The following PKD1L3 variants were observed in gnomAD, a reference collection of about 807,000 sequenced individuals.
PKD1L3 encodes the protein polycystin-1-like protein 3.
A neutral mutation model predicts 184.1 loss-of-function variants in PKD1L3; 239 were observed. That is an observed-to-expected ratio of 1.30 (90% confidence interval 1.17 to 1.45). The LOEUF (loss-of-function observed/expected upper bound fraction) is 1.45. Among genes scored for constraint, PKD1L3 ranks in the 40% most tolerant of loss-of-function variants. The probability of loss-of-function intolerance (pLI) is 0.00; values close to 1 mark genes in which losing one functional copy is unlikely to be tolerated. For missense variants in PKD1L3, 2,660 were observed against 2,067.2 expected, an observed-to-expected ratio of 1.29 and a Z score of -5.56; for synonymous variants, 996 against 778.8, an observed-to-expected ratio of 1.28 and a Z score of -4.64.
At chr16:71,933,257 G>C (rs546923968) in intron 28 of PKD1L3, among the ~76,000 whole-genome samples, 163 bp downstream of exon 28, 193 of 152,272 alleles carry the variant, frequency 1.3e-3, no homozygotes, top group African/African-American at 4.5e-3. Flanking sequence ...CCATGTAAAT[G>C]CTGTATGCAT....
At chr16:71,953,153 T>C (rs994682644) in intron 17 of PKD1L3, 60 bp from the exon 18 acceptor site, 23 of 1,316,578 alleles carry the variant, frequency 1.7e-5, no homozygotes, top group Non-Finnish European at 2.2e-5. Context: ...CGCAAAGTCA[T>C]TCCTCTCCTA....
Position 71,967,953 on chromosome 16 carries a change from T to A in PKD1L3, c.2239A>T (p.Ile747Phe), listed in dbSNP as rs370229281. 3.2e-6 allele frequency: 5 copies of A among 1,551,506 alleles called. No homozygotes were observed. In the African/African-American group the frequency reaches 5.5e-5, roughly 17 times the overall value. Residue 747 changes from isoleucine to phenylalanine, a missense_variant, in exon 14 of 30, where the codon ATT (isoleucine) becomes TTT (phenylalanine). Ile to Phe is a conservative substitution (Grantham distance 21). Coordinates refer to ENST00000620267, the MANE Select transcript of PKD1L3 (RefSeq NM_181536.2). ...NDPSAQFHYL[I>F]QVYTGYRRSA... ...CTTCGATATCCGGTGTAGACCTGAA[T>A]AAGGTAGTGAAATTGAGCGCTGGGG...
chr16:71,956,800 T>C (rs939543717), intron 16 of PKD1L3, among the ~76,000 whole-genome samples: 7 of 152,204 alleles, frequency 4.6e-5, no homozygotes, highest in Non-Finnish European at 8.8e-5. Flanking sequence ...ATGGTGAAGA[T>C]GGTAAATGTT....
intron 22 of PKD1L3, among the ~76,000 whole-genome samples, chr16:71,946,171 T>C (rs2038596586): frequency 1.3e-5 from 2 of 152,184 alleles, no homozygotes; most frequent in South Asian, 2.1e-4. Context: ...TTGGCCAGGC[T>C]GGTCACAAAT....
At chr16:71,953,179 T>G (rs551318043) in intron 17 of PKD1L3, 86 bp from the exon 18 acceptor site, 235 of 1,145,538 alleles carry the variant, frequency 2.1e-4, no homozygotes, top group Non-Finnish European at 2.7e-4. Flanking sequence ...AACTATTTAC[T>G]GAGGAAGTTA....
intron 4 of PKD1L3, among the ~76,000 whole-genome samples, chr16:71,990,012 T>G (rs1046704044): frequency 1.3e-5 from 2 of 150,444 alleles, no homozygotes; most frequent in African/African-American, 4.9e-5. Flanking sequence ...GAGGTAGAGG[T>G]TGCAGTGAGC....
At chr16:71,968,243 C>G (rs746378349) in intron 13 of PKD1L3, among the ~76,000 whole-genome samples, 6 of 152,146 alleles carry the variant, frequency 3.9e-5, no homozygotes, top group African/African-American at 1.4e-4. Context: ...TAGAATCACC[C>G]GATCAGGTCT....
At chr16:71,965,314 G>A (rs1200599108) in intron 15 of PKD1L3, among the ~76,000 whole-genome samples, 1 of 151,936 alleles carries the variant, frequency 6.6e-6, no homozygotes, top group African/African-American at 2.4e-5. Context: ...TTTCTGTTTT[G>A]GGCTACTAAT....
chr16:71,972,348 C>T (rs372155222), intron 12 of PKD1L3, among the ~76,000 whole-genome samples: 6 of 152,162 alleles, frequency 3.9e-5, no homozygotes, highest in South Asian at 2.1e-4. Context: ...TGCGGTGAGC[C>T]GAGATCATGC....
intron 15 of PKD1L3, among the ~76,000 whole-genome samples, chr16:71,965,996 T>G (rs1404254931): frequency 6.6e-6 from 1 of 152,130 alleles, no homozygotes; most frequent in Non-Finnish European, 1.5e-5. Context: ...GGAAGGATGG[T>G]TTACAAGCTG....
rs375552371 is a variant in PKD1L3, at chr16:71,982,004, G to C, written c.1143+55C>G. ...GGGAGAGGCTGTGATACCTGGACCT[G>C]TCAAGATTAAAATGCTTCTAAGCAG... is the stretch of plus-strand genomic sequence containing the variant. On this transcript the variant is annotated intron_variant, in intron 7 of 29. Coordinates refer to ENST00000620267, the MANE Select transcript of PKD1L3 (RefSeq NM_181536.2). 3.5e-6 allele frequency: 5 copies of C among 1,433,196 alleles called. No individual in the cohort carries two copies. In the East Asian group the frequency reaches 7.6e-5, roughly 22 times the overall value. The allele number at this position is 1,433,196 out of a possible 1,614,324, so 88.8% of individuals were successfully genotyped here. A position where few individuals can be genotyped will look rare whatever the true frequency, so the allele number is the denominator to read the frequency against.
At chr16:71,976,669 A>G (rs2039936498) in intron 11 of PKD1L3, among the ~76,000 whole-genome samples, 1 of 152,238 alleles carries the variant, frequency 6.6e-6, no homozygotes, top group Non-Finnish European at 1.5e-5. Context: ...CTGTAATCCC[A>G]GCACTTCAGG....
intron 24 of PKD1L3, among the ~76,000 whole-genome samples, chr16:71,940,997 G>A (rs759466874): frequency 7.9e-5 from 12 of 152,070 alleles, no homozygotes; most frequent in Middle Eastern, 3.4e-3. Context: ...CACCATGCCA[G>A]GCTAATTTTT....
intron 22 of PKD1L3, among the ~76,000 whole-genome samples, chr16:71,945,990 C>T (rs984780532): frequency 2.0e-5 from 3 of 152,192 alleles, no homozygotes; most frequent in African/African-American, 7.2e-5. Flanking sequence ...CGAAGTTCCG[C>T]TCTTGTCACC....
intron 11 of PKD1L3, among the ~76,000 whole-genome samples, chr16:71,973,742 C>T (rs942940470): frequency 3.9e-5 from 6 of 152,138 alleles, no homozygotes; most frequent in Non-Finnish European, 8.8e-5. Flanking sequence ...TGACTCACGC[C>T]TATAATCTCA....
intron 2 of PKD1L3, 54 bp from the exon 3 acceptor site, chr16:71,993,386 G>C: frequency 8.6e-7 from 1 of 1,168,326 alleles, no homozygotes; most frequent in Non-Finnish European, 1.2e-6. Flanking sequence ...ATGGCTACAA[G>C]TCTATAAAAC....
At chr16:71,994,139 T>C (rs912785950) in intron 2 of PKD1L3, among the ~76,000 whole-genome samples, 12 of 152,146 alleles carry the variant, frequency 7.9e-5, no homozygotes, top group African/African-American at 2.9e-4. Context: ...CAATTGGACA[T>C]GGCTAGAGAA....
intron 16 of PKD1L3, among the ~76,000 whole-genome samples, chr16:71,962,234 G>C (rs1379054292): frequency 6.6e-6 from 1 of 152,002 alleles, no homozygotes; most frequent in South Asian, 2.1e-4. Flanking sequence ...AGGACATGGT[G>C]TGTGGGCCTC....
At chr16:71,937,474 T>G (rs1369778640) in intron 24 of PKD1L3, 55 bp from the exon 25 acceptor site, 1 of 1,522,376 alleles carries the variant, frequency 6.6e-7, no homozygotes, top group Non-Finnish European at 8.8e-7. Context: ...TGCCCTCTTC[T>G]TGTTAAACTT....
Sources: allele counts gnomAD v4.1 joint callset (sites outside exome capture counted in the v4.1 genomes callset), GRCh38; gene constraint gnomAD v4.1.1; transcripts MANE v1.5; gene names NCBI Gene and HGNC (gene_info 2026-07-23, HGNC 2026-07-21).